Variants in DGKG observed in about 807,000 individuals in gnomAD.
DGKG encodes the protein DAG kinase gamma.
A neutral mutation model predicts 105.3 loss-of-function variants in DGKG; 78 were observed. That is an observed-to-expected ratio of 0.74 (90% CI 0.62 to 0.89). DGKG has a LOEUF of 0.89. DGKG is among the 40% of genes least tolerant of loss of function. DGKG has a pLI of 0.00. For synonymous variants in DGKG, 346 were observed against 367.1 expected, an observed-to-expected ratio of 0.94 and a Z score of 0.66; for missense variants, 958 against 1,020.1, an observed-to-expected ratio of 0.94 and a Z score of 0.83.
rs561960985 is a variant in DGKG at position 186,324,104 on chromosome 3, C to CAAA, written c.-248-3400_-248-3398dup. On this transcript the variant is annotated intron_variant, in intron 1 of 24. Transcript: ENST00000265022. ...GCCTGGCGACAGAGTGAGAGTCTGT[C>CAAA]AAAAAAAAAAAAAAAAAAAAAGAAT... Among the ~76,000 whole-genome samples the CAAA allele has an allele frequency of 3.3e-3, 195 of 58,308 alleles. 2 individuals are homozygous for CAAA. The highest frequency in any genetic ancestry group is 0.011 in the African/African-American group (174 of 15,978). 38.3% of individuals were successfully genotyped at this position (58,308 alleles called of 152,430 possible).
intron 6 of DGKG, among the ~76,000 whole-genome samples, chr3:186,286,172 C>T (rs1407674513): frequency 2.0e-5 from 3 of 152,086 alleles, no homozygotes; most frequent in African/African-American, 7.2e-5. Flanking sequence ...AGGGGTGCAT[C>T]GCTGGTCAAA....
intron 22 of DGKG, among the ~76,000 whole-genome samples, chr3:186,185,169 A>G (rs1465283525): frequency 6.6e-6 from 1 of 152,236 alleles, no homozygotes; most frequent in Non-Finnish European, 1.5e-5. Context: ...TCACTAAAAT[A>G]CGTTGCCTCT....
chr3:186,193,043 C>T (rs990286436), intron 21 of DGKG, among the ~76,000 whole-genome samples: 3 of 152,142 alleles, frequency 2.0e-5, no homozygotes, highest in Non-Finnish European at 4.4e-5. Context: ...GCAGGCAATC[C>T]TCACTCTGCT....
chr3:186,181,876 C>T (rs915519522), intron 22 of DGKG, among the ~76,000 whole-genome samples: 4 of 152,258 alleles, frequency 2.6e-5, no homozygotes, highest in South Asian at 4.1e-4. Flanking sequence ...GAGACCACTG[C>T]TGGCTTGAGA....
At chr3:186,186,701 C>A (rs886672594) in intron 22 of DGKG, among the ~76,000 whole-genome samples, 1 of 152,188 alleles carries the variant, frequency 6.6e-6, no homozygotes, top group African/African-American at 2.4e-5. Context: ...TTTCTGCCAG[C>A]GCTTTTACAC....
intron 2 of DGKG, among the ~76,000 whole-genome samples, chr3:186,310,801 C>T (rs1035410093): frequency 1.3e-5 from 2 of 152,164 alleles, no homozygotes; most frequent in African/African-American, 2.4e-5. Context: ...TAACAATTCC[C>T]ATTTTGTAGA....
rs28480687 is a variant in DGKG at position 186,148,978 on chromosome 3, A to T, written c.*1112T>A. 6.8e-5 allele frequency: 41 copies of T among 601,494 alleles called. No individual in the cohort carries two copies. Among genetic ancestry groups the T allele is most frequent in the Non-Finnish European group, 7.6e-5 (37 of 486,282 alleles). 37.3% of individuals were successfully genotyped at this position (601,494 alleles called of 1,614,324 possible). On this transcript the variant is annotated 3_prime_UTR_variant, in exon 25 of 25. Transcript: ENST00000265022. ...AAATATTTATATATATATATATATA[A>T]ATATATAGGCTAAATATATATATAT...
At chr3:186,337,071 T>G (rs761607061) in intron 1 of DGKG, among the ~76,000 whole-genome samples, 1 of 152,188 alleles carries the variant, frequency 6.6e-6, no homozygotes, top group Non-Finnish European at 1.5e-5. Context: ...AACAGATAAT[T>G]CTTCTCTTAC....
chr3:186,177,662 T>C (rs1055785549), intron 22 of DGKG, among the ~76,000 whole-genome samples: 6 of 152,218 alleles, frequency 3.9e-5, no homozygotes, highest in Admixed American at 6.5e-5. Flanking sequence ...TCTGCAGACT[T>C]GGAGCACCTT....
chr3:186,167,229 T>C (rs1236052723), intron 22 of DGKG, among the ~76,000 whole-genome samples: 1 of 151,732 alleles, frequency 6.6e-6, no homozygotes, highest in East Asian at 1.9e-4. Context: ...TGCCTTTGAG[T>C]TTTCCCTGGT....
chr3:186,172,452 G>A (rs1447701705), intron 22 of DGKG, among the ~76,000 whole-genome samples: 1 of 152,184 alleles, frequency 6.6e-6, no homozygotes, highest in Admixed American at 6.5e-5. Context: ...CACCACCATG[G>A]TGGCAAGGAA....
At chr3:186,249,077 G>C (rs1296421409) in intron 19 of DGKG, among the ~76,000 whole-genome samples, 1 of 152,160 alleles carries the variant, frequency 6.6e-6, no homozygotes, top group Non-Finnish European at 1.5e-5. Flanking sequence ...GTTCCTGCTG[G>C]GGGAAGCGGA....
intron 21 of DGKG, among the ~76,000 whole-genome samples, chr3:186,190,794 G>A (rs1578643161): frequency 6.6e-6 from 1 of 152,206 alleles, no homozygotes; most frequent in East Asian, 1.9e-4. Context: ...TTGTCATCGC[G>A]TTCCCATCAT....
rs1723194028 is a variant in DGKG, at chr3:186,288,946, T to C, written c.374-66A>G. On this transcript the variant is annotated intron_variant, in intron 5 of 24. Transcript: ENST00000265022. ...TTTAGTAAATATTAACCCCTCTTTGTTACCCCATCCTTTTCATGGTAGAGG... is the reference window on the plus strand; with the variant it reads ...TTTAGTAAATATTAACCCCTCTTTGCTACCCCATCCTTTTCATGGTAGAGG... 9 of 1,444,590 alleles carry C rather than the reference T, an allele frequency of 6.2e-6. No individual in the cohort carries two copies. The South Asian group carries it at 9.7e-5, about 16-fold the overall frequency. 89.5% of individuals were successfully genotyped at this position (1,444,590 alleles called of 1,614,324 possible).
chr3:186,255,743 A>G (rs935879391), intron 17 of DGKG, among the ~76,000 whole-genome samples: 1 of 152,202 alleles, frequency 6.6e-6, no homozygotes, highest in Non-Finnish European at 1.5e-5. Context: ...TATGCACACC[A>G]TGCACCCAGT....
intron 20 of DGKG, among the ~76,000 whole-genome samples, chr3:186,239,722 C>T (rs868512835): frequency 2.6e-5 from 4 of 152,162 alleles, no homozygotes; most frequent in East Asian, 1.9e-4. Context: ...CGTGCAAATC[C>T]GTGGGCCTGT....
At chr3:186,184,485 C>T (rs1032853590) in intron 22 of DGKG, among the ~76,000 whole-genome samples, 14 of 145,424 alleles carry the variant, frequency 9.6e-5, no homozygotes, top group Admixed American at 3.6e-4. Context: ...CTGCAACCTC[C>T]GCCCCTTGGG....
intron 7 of DGKG, among the ~76,000 whole-genome samples, chr3:186,282,874 A>G (rs570034750): frequency 6.6e-6 from 1 of 151,798 alleles, no homozygotes; most frequent in Non-Finnish European, 1.5e-5. Flanking sequence ...AAGATCGTCA[A>G]TGGTTCTCCA....
chr3:186,337,186 A>T lies in DGKG; in HGVS notation c.-248-16479T>A, dbSNP rs1214300208. On this transcript the variant is annotated intron_variant, in intron 1 of 24. Transcript: ENST00000265022. ...AACAAGGAAAATACAAAAACAAATT[A>T]TAGACCAACCTCATCTAAATAGAGT... is the stretch of plus-strand genomic sequence containing the variant. Among the ~76,000 whole-genome samples the T allele has an allele frequency of 3.3e-5, 5 of 152,322 alleles. No individual in the cohort carries two copies. The East Asian group carries it at 9.6e-4, about 29-fold the overall frequency.
Sources: gnomAD v4.1 joint callset for allele counts (sites outside exome capture counted in the v4.1 genomes callset) on GRCh38, gnomAD v4.1.1 for gene constraint, MANE v1.5 for transcripts, NCBI Gene and HGNC (gene_info 2026-07-23, HGNC 2026-07-21) for gene names.